NELL1: variants seen among roughly 807,000 people sequenced by gnomAD.
NELL1 encodes protein kinase C-binding protein NELL1.
NELL1 carries 76 observed loss-of-function variants against 107.4 expected under a neutral mutation model. The ratio of observed to expected loss-of-function variants is 0.71; its 90% CI spans 0.59 to 0.86. NELL1 has a LOEUF of 0.86. Ranked by LOEUF, NELL1 falls within the 40% of genes least tolerant of loss-of-function variation. The pLI is 0.00. For synonymous variants in NELL1, 353 were observed against 341.2 expected, an observed-to-expected ratio of 1.03 and a Z score of -0.38; for missense variants, 1,024 against 1,005.5, an observed-to-expected ratio of 1.02 and a Z score of -0.25.
intron 16 of NELL1, among the ~76,000 whole-genome samples, chr11:21,558,952 G>A (rs953470367): frequency 5.3e-5 from 8 of 152,020 alleles, no homozygotes; most frequent in African/African-American, 1.7e-4. Context: ...TAACAGTGAG[G>A]AGATATAGTG....
chr11:21,523,290 G>A (rs1855773599), intron 15 of NELL1, among the ~76,000 whole-genome samples: 1 of 151,848 alleles, frequency 6.6e-6, no homozygotes, highest in African/African-American at 2.4e-5. Flanking sequence ...GCAAAAATTG[G>A]GTATTGCTTT....
At chr11:20,911,179 G>A (rs1254203995) in intron 5 of NELL1, among the ~76,000 whole-genome samples, 2 of 152,222 alleles carry the variant, frequency 1.3e-5, no homozygotes, top group Non-Finnish European at 2.9e-5. Flanking sequence ...ACCTGGTACA[G>A]ACAGATAACA....
chr11:21,153,708 A>G (rs922969239), intron 13 of NELL1, among the ~76,000 whole-genome samples: 1 of 152,170 alleles, frequency 6.6e-6, no homozygotes, highest in African/African-American at 2.4e-5. Context: ...CACTTATAAG[A>G]AGTCAGTGAG....
chr11:20,986,846 G>A (rs1272699036), intron 12 of NELL1, among the ~76,000 whole-genome samples: 1 of 152,102 alleles, frequency 6.6e-6, no homozygotes, highest in Non-Finnish European at 1.5e-5. Context: ...ATTAGGGAAT[G>A]CAGTTATCAC....
intron 2 of NELL1, among the ~76,000 whole-genome samples, chr11:20,700,575 T>C (rs1854752787): frequency 6.6e-6 from 1 of 152,106 alleles, no homozygotes; most frequent in African/African-American, 2.4e-5. Flanking sequence ...TTGTTACATG[T>C]GTATACATGT....
chr11:21,516,723 TCACACACACACACACATA>T (rs1352186188), intron 15 of NELL1, among the ~76,000 whole-genome samples: 7 of 145,876 alleles, frequency 4.8e-5, no homozygotes, highest in Non-Finnish European at 9.0e-5. Flanking sequence ...GGTCTGTCAA[TCACACACACACACACATA>T]CACACACACA....
intron 12 of NELL1, among the ~76,000 whole-genome samples, chr11:20,968,106 A>G (rs1851422188): frequency 6.6e-6 from 1 of 152,206 alleles, no homozygotes; most frequent in Admixed American, 6.5e-5. Flanking sequence ...CACGCTGGCT[A>G]AATTAGCTCT....
intron 12 of NELL1, among the ~76,000 whole-genome samples, chr11:21,104,268 G>A (rs999185977): frequency 7.2e-5 from 11 of 152,218 alleles, no homozygotes; most frequent in South Asian, 4.2e-4. Flanking sequence ...GTTTCTTTCC[G>A]TGTGGACATT....
At chr11:20,726,035 T>C (rs7121671) in intron 2 of NELL1, among the ~76,000 whole-genome samples, 16,573 of 152,258 alleles carry the variant, frequency 0.11, 1,080 homozygotes, top group Non-Finnish European at 0.15. Flanking sequence ...TGTAGGATAG[T>C]GGCCTCCAGC....
At chr11:21,565,183 A>G (rs1856941347) in intron 17 of NELL1, among the ~76,000 whole-genome samples, 1 of 151,956 alleles carries the variant, frequency 6.6e-6, no homozygotes, top group Non-Finnish European at 1.5e-5. Context: ...GGTTGGAGTT[A>G]GCTGTGCAAG....
At chr11:20,677,792 C>A (rs1854095239) in intron 1 of NELL1, 140 bp from the exon 2 acceptor site, 1 of 967,482 alleles carries the variant, frequency 1.0e-6, no homozygotes, top group African/African-American at 1.6e-5. Flanking sequence ...ATTTGCTTTT[C>A]TTTTCCCTCC....
intron 12 of NELL1, among the ~76,000 whole-genome samples, chr11:20,993,488 G>C (rs1474057553): frequency 6.6e-6 from 1 of 152,096 alleles, no homozygotes; most frequent in Admixed American, 6.5e-5. Context: ...CATTAGCTTG[G>C]TCAGTGAACA....
At chr11:20,918,350 G>A (rs1209447838) in intron 6 of NELL1, 96 bp downstream of exon 6, 2 of 746,318 alleles carry the variant, frequency 2.7e-6, no homozygotes, top group East Asian at 2.5e-5. Context: ...TGTTTACAGT[G>A]TTGACTTCTG....
At chr11:20,956,406 G>C (rs980170674) in intron 11 of NELL1, among the ~76,000 whole-genome samples, 20 of 152,138 alleles carry the variant, frequency 1.3e-4, no homozygotes, top group Admixed American at 7.9e-4. Context: ...CAGCACTTTG[G>C]GAGGCCGAGG....
rs182570869 is a variant in NELL1 at position 21,316,866 on chromosome 11, G to A, written c.1550-53987G>A. 1.0e-3 allele frequency among the ~76,000 whole-genome samples: 159 copies of A among 152,148 alleles called. 1 individual carries two copies. Among genetic ancestry groups the A allele is most frequent in the Non-Finnish European group, 1.4e-3 (92 of 67,990 alleles). On this transcript the variant is annotated intron_variant, in intron 14 of 19. Transcript: ENST00000357134. ...AGCTGGGGAAGAGGCAGGGAAAGGG[G>A]TGGGCCTTCAGACTATAATGAAAAC...
chr11:21,534,598 G>A (rs1856086164), intron 16 of NELL1, 84 bp downstream of exon 16: 5 of 1,410,302 alleles, frequency 3.5e-6, no homozygotes, highest in African/African-American at 1.4e-5. Flanking sequence ...TCAGCTCCCA[G>A]TGTTAAAATA....
Position 20,783,800 on chromosome 11 carries a change from T to A in NELL1, c.305T>A (p.Val102Glu). ...CAGCAGAAGCCATCCACTTCAGGAG[T>A]GATACTGTCCATTCGAGAACTGGAG... ...TVQQKPSTSG[V>E]ILSIRELEHS... Residue 102 changes from valine (V) to glutamate (E), a missense_variant, in exon 3 of 20, where the codon GTG (valine) becomes GAG (glutamate). By Grantham distance (121) the Val-to-Glu change is moderately radical (BLOSUM62 -2). Coordinates refer to ENST00000357134, the MANE Select transcript of NELL1 (RefSeq NM_006157.5). 1 of 1,613,236 alleles carries A rather than the reference T, an allele frequency of 6.2e-7. No homozygotes were observed. The highest frequency in any genetic ancestry group is 8.5e-7 in the Non-Finnish European group (1 of 1,179,624).
chr11:21,070,410 A>G (rs1026079015), intron 12 of NELL1, among the ~76,000 whole-genome samples: 1 of 152,128 alleles, frequency 6.6e-6, no homozygotes, highest in Non-Finnish European at 1.5e-5. Flanking sequence ...TCCAAATGGT[A>G]TTATAAGGTT....
chr11:21,526,143 A>G (rs534366579), intron 15 of NELL1, among the ~76,000 whole-genome samples: 1 of 152,356 alleles, frequency 6.6e-6, no homozygotes, highest in South Asian at 2.1e-4. Context: ...GTAGTGGGTA[A>G]ATACACTAAT....
Sources: gnomAD v4.1 joint callset for allele counts (sites outside exome capture counted in the v4.1 genomes callset) on GRCh38, gnomAD v4.1.1 for gene constraint, MANE v1.5 for transcripts, NCBI Gene and HGNC (gene_info 2026-07-23, HGNC 2026-07-21) for gene names.